Variants in MIS18A observed in about 807,000 individuals in gnomAD.
The protein encoded by MIS18A is protein Mis18-alpha.
MIS18A carries 14 observed loss-of-function variants against 25.0 expected under a neutral mutation model. That is an observed-to-expected ratio of 0.56 (90% CI 0.37 to 0.88). The LOEUF (loss-of-function observed/expected upper bound fraction) is 0.88. Among genes scored for constraint, MIS18A ranks in the 40% least tolerant of loss-of-function variants. The pLI, the probability that MIS18A is intolerant of heterozygous loss-of-function variation, is 0.00. For synonymous variants in MIS18A, 134 were observed against 118.6 expected (o/e 1.13, Z -0.84); for missense variants, 292 against 290.8 (o/e 1.00, Z -0.03).
the MIS18A span, among the ~76,000 whole-genome samples, chr21:32,221,643 G>A: frequency 6.6e-6 from 1 of 151,540 alleles, no homozygotes; most frequent in East Asian, 1.9e-4. Flanking sequence ...ATTTTGGGAG[G>A]CCGAGGCGGG....
At chr21:32,194,947 C>T in the MIS18A span, among the ~76,000 whole-genome samples, 1 of 152,142 alleles carries the variant, frequency 6.6e-6, no homozygotes, top group African/African-American at 2.4e-5. Flanking sequence ...CTACAATGTA[C>T]CGTGTTCGGG....
chr21:32,236,030 G>A, the MIS18A span, among the ~76,000 whole-genome samples: 1 of 151,918 alleles, frequency 6.6e-6, no homozygotes, highest in Admixed American at 6.6e-5. Flanking sequence ...ATATAACCTG[G>A]CCTTTTTTTC....
At chr21:32,206,564 A>G in the MIS18A span, among the ~76,000 whole-genome samples, 2 of 152,128 alleles carry the variant, frequency 1.3e-5, no homozygotes, top group African/African-American at 2.4e-5. Flanking sequence ...CATAATACAC[A>G]ACTTGGTTCA....
At chr21:32,208,808 T>C in the MIS18A span, among the ~76,000 whole-genome samples, 4 of 152,324 alleles carry the variant, frequency 2.6e-5, no homozygotes, top group East Asian at 3.9e-4. Context: ...GCCTTATTGA[T>C]AGCAGGTGGC....
At chr21:32,165,560 T>G in the MIS18A span, among the ~76,000 whole-genome samples, 1 of 151,310 alleles carries the variant, frequency 6.6e-6, no homozygotes, top group Non-Finnish European at 1.5e-5. Context: ...GTGACACAGT[T>G]CTAGGTCTCA....
chr21:32,173,150 C>A, the MIS18A span, among the ~76,000 whole-genome samples: 1 of 152,162 alleles, frequency 6.6e-6, no homozygotes, highest in East Asian at 1.9e-4. Context: ...AGAAGACAAT[C>A]AAGAAAATGA....
At chr21:32,215,627 T>C in the MIS18A span, among the ~76,000 whole-genome samples, 3 of 152,074 alleles carry the variant, frequency 2.0e-5, no homozygotes, top group Non-Finnish European at 4.4e-5. Context: ...AGGCTGAACA[T>C]AGGTATCTTC....
At chr21:32,263,809 T>C (rs1023720357), downstream of MIS18A, among the ~76,000 whole-genome samples, 1 of 142,194 alleles carries the variant, frequency 7.0e-6, no homozygotes, top group South Asian at 2.2e-4. Flanking sequence ...GAAGCCTTCT[T>C]TTTTTTTTTT....
In MIS18A at chr21:32,274,910, A is replaced by T. The variant is rs1194024690; in HGVS notation, c.335-14T>A. ...TACAGGAAACACCTAGAAACAGAGA[A>T]AGTAACAATAATTTATTAATGTAGT... On this transcript the variant is annotated splice_polypyrimidine_tract_variant and intron_variant, in intron 1 of 4. Coordinates refer to ENST00000290130, the MANE Select transcript of MIS18A (RefSeq NM_018944.3). 3 of 1,597,168 alleles carry T rather than the reference A, an allele frequency of 1.9e-6. No homozygotes were observed. Among genetic ancestry groups the T allele is most frequent in the Non-Finnish European group, 2.6e-6 (3 of 1,166,570 alleles).
chr21:32,235,641 A>G, the MIS18A span, among the ~76,000 whole-genome samples: 6 of 152,190 alleles, frequency 3.9e-5, no homozygotes, highest in African/African-American at 1.2e-4. Context: ...AAACATCAAC[A>G]AAGAAGCTAG....
At chr21:32,199,452 A>G in the MIS18A span, among the ~76,000 whole-genome samples, 1 of 152,318 alleles carries the variant, frequency 6.6e-6, no homozygotes, top group South Asian at 2.1e-4. Context: ...TTTAAAAAAA[A>G]GAAAAGGAAC....
chr21:32,188,192 G>C, the MIS18A span, among the ~76,000 whole-genome samples: 2 of 152,322 alleles, frequency 1.3e-5, no homozygotes, highest in East Asian at 3.9e-4. Context: ...CCAATCTGTG[G>C]TATTCTGCAT....
chr21:32,266,993 C>A (rs1320281639), downstream of MIS18A, among the ~76,000 whole-genome samples: 1 of 152,046 alleles, frequency 6.6e-6, no homozygotes, highest in African/African-American at 2.4e-5. Context: ...CACACACACA[C>A]GTTCTGATGA....
the MIS18A span, among the ~76,000 whole-genome samples, chr21:32,222,973 C>T: frequency 6.7e-6 from 1 of 149,844 alleles, no homozygotes; most frequent in Non-Finnish European, 1.5e-5. Context: ...GAAAGAAACT[C>T]ACTCAAAACC....
At chr21:32,160,736 AT>A in the MIS18A span, among the ~76,000 whole-genome samples, 2 of 151,264 alleles carry the variant, frequency 1.3e-5, no homozygotes, top group African/African-American at 2.4e-5. Flanking sequence ...GGTTCAAGAG[AT>A]TCTCTTGCCT....
the MIS18A span, among the ~76,000 whole-genome samples, chr21:32,252,874 C>T: frequency 6.6e-6 from 1 of 152,182 alleles, no homozygotes; most frequent in East Asian, 1.9e-4. Flanking sequence ...ATTTCTGCAT[C>T]GTTGGCAGAC....
the MIS18A span, among the ~76,000 whole-genome samples, chr21:32,158,132 T>C: frequency 6.6e-6 from 1 of 152,204 alleles, no homozygotes; most frequent in South Asian, 2.1e-4. Flanking sequence ...GAAATAGAGA[T>C]ATAACAGGCA....
chr21:32,256,474 G>A, the MIS18A span, among the ~76,000 whole-genome samples: 2 of 152,200 alleles, frequency 1.3e-5, no homozygotes, highest in African/African-American at 4.8e-5. Flanking sequence ...GCTCTCTACC[G>A]GGAGGCATAA....
the MIS18A span, among the ~76,000 whole-genome samples, chr21:32,196,493 C>T: frequency 6.8e-6 from 1 of 146,092 alleles, no homozygotes; most frequent in Non-Finnish European, 1.5e-5. Flanking sequence ...CAGAGTCTCT[C>T]TCTGTTGCCC....
Sources: gnomAD v4.1 joint callset for allele counts (sites outside exome capture counted in the v4.1 genomes callset) on GRCh38, gnomAD v4.1.1 for gene constraint, MANE v1.5 for transcripts, NCBI Gene and HGNC (gene_info 2026-07-23, HGNC 2026-07-21) for gene names.